The following NSMAF variants were observed in gnomAD, a reference collection of about 807,000 sequenced individuals.
NSMAF encodes neutral sphingomyelinase activation associated factor.
NSMAF carries 90 observed loss-of-function variants against 134.9 expected under a neutral mutation model. That is an observed-to-expected ratio of 0.67 (90% CI 0.56 to 0.79). The LOEUF (loss-of-function observed/expected upper bound fraction) is 0.79, where lower values mean the gene tolerates loss of function less well. NSMAF is among the 30% of genes least tolerant of loss of function. The pLI, the probability that NSMAF is intolerant of heterozygous loss-of-function variation, is 0.00. For synonymous variants in NSMAF, 358 were observed against 389.6 expected (o/e 0.92, Z 0.96); for missense variants, 1,010 against 1,119.0 (o/e 0.90, Z 1.39).
At chr8:58,618,580 A>T (rs1806717254) in intron 9 of NSMAF, among the ~76,000 whole-genome samples, 1 of 151,980 alleles carries the variant, frequency 6.6e-6, no homozygotes, top group Non-Finnish European at 1.5e-5. Context: ...TATATATATA[A>T]TACAAACATA....
At chr8:58,592,247 G>A (rs1040645244) in intron 23 of NSMAF, among the ~76,000 whole-genome samples, 24 of 152,276 alleles carry the variant, frequency 1.6e-4, no homozygotes, top group African/African-American at 5.5e-4. Flanking sequence ...TCTCCTTGAT[G>A]TCTAGTGGTT....
rs2228505 is a variant in NSMAF at position 58,595,575 on chromosome 8, T to C, written c.1877A>G (p.Tyr626Cys). Reference protein sequence around the residue: ...NITKLQLHEHYKIHKEAVTGI... With the variant: ...NITKLQLHEHCKIHKEAVTGI... ...ATATTCTTACTCTTTGTGGATTTTA[T>C]AGTGCTCGTGTAACTGCAGTTTGGT... Residue 626 changes from tyrosine to cysteine, a missense_variant, in exon 22 of 31, where the codon TAT becomes TGT. Tyr to Cys is a radical substitution (Grantham distance 194, BLOSUM62 -2). Coordinates refer to ENST00000038176, the MANE Select transcript of NSMAF (RefSeq NM_003580.4). The C allele has an allele frequency of 0.016, 25,377 of 1,612,914 alleles. 1,462 individuals are homozygous for C. In the East Asian group the frequency reaches 0.22, roughly 14 times the overall value.
chr8:58,613,086 T>C (rs1041237172), intron 9 of NSMAF, among the ~76,000 whole-genome samples: 1 of 152,092 alleles, frequency 6.6e-6, no homozygotes, highest in Non-Finnish European at 1.5e-5. Context: ...TGTTTTAGAC[T>C]AAGGAAAAAT....
intron 21 of NSMAF, among the ~76,000 whole-genome samples, chr8:58,596,894 G>A (rs548414342): frequency 3.3e-5 from 5 of 149,330 alleles, no homozygotes; most frequent in Non-Finnish European, 5.9e-5. Flanking sequence ...TGGCGCCACT[G>A]CACTCCAGCG....
rs1304037474 is a variant in NSMAF, at chr8:58,659,667, C to A, written c.-36G>T. 43 of 1,361,198 alleles carry A rather than the reference C, an allele frequency of 3.2e-5. No homozygotes were observed. Among genetic ancestry groups the A allele is most frequent in the Non-Finnish European group, 3.3e-5 (35 of 1,054,888 alleles). 84.3% of individuals were successfully genotyped at this position (1,361,198 alleles called of 1,614,324 possible). ...CGCGGGCGGGCGCAGAGCGCACAGG[C>A]AGGCCCCGCCGCCGCCTGCCGAGGA... On this transcript the variant is annotated 5_prime_UTR_variant, in exon 1 of 31. Transcript: ENST00000038176.
At chr8:58,640,317 T>A (rs571795895) in intron 2 of NSMAF, among the ~76,000 whole-genome samples, 1 of 152,298 alleles carries the variant, frequency 6.6e-6, no homozygotes, top group East Asian at 1.9e-4. Context: ...ATATATACAA[T>A]TTTTATTCAT....
At chr8:58,646,499 T>A (rs1333778521) in intron 1 of NSMAF, among the ~76,000 whole-genome samples, 2 of 152,224 alleles carry the variant, frequency 1.3e-5, no homozygotes, top group Admixed American at 1.3e-4. Context: ...TATAGCCTCC[T>A]TAATTTATCA....
At chr8:58,602,968 A>C (rs891211399) in intron 13 of NSMAF, among the ~76,000 whole-genome samples, 2 of 152,152 alleles carry the variant, frequency 1.3e-5, no homozygotes, top group Non-Finnish European at 2.9e-5. Context: ...AATCATGCCC[A>C]TTTTTTCTGT....
rs200458679 is a variant in NSMAF at position 58,624,359 on chromosome 8, TTTTA to T, written c.385-583_385-580del. ...ACCACACCTGGCCTAGAGTTAGGATTTTTATTTGAGGTATTTCTTCTTTTTTAAC... is the reference window on the plus strand; with the variant it reads ...ACCACACCTGGCCTAGAGTTAGGATTTTTGAGGTATTTCTTCTTTTTTAAC... On this transcript the variant is annotated intron_variant, in intron 6 of 30. Transcript: ENST00000038176. 4.7e-3 allele frequency among the ~76,000 whole-genome samples: 710 copies of T among 152,232 alleles called. 7 individuals are homozygous for T. Among genetic ancestry groups the T allele is most frequent in the African/African-American group, 0.016 (668 of 41,552 alleles).
chr8:58,624,197 G>A (rs1294010222), intron 6 of NSMAF, among the ~76,000 whole-genome samples: 2 of 151,546 alleles, frequency 1.3e-5, no homozygotes, highest in South Asian at 2.1e-4. Flanking sequence ...GTGCACCACC[G>A]CACCCGGCTA....
chr8:58,599,011 C>T (rs1032411479), intron 19 of NSMAF, among the ~76,000 whole-genome samples: 1 of 152,114 alleles, frequency 6.6e-6, no homozygotes, highest in African/African-American at 2.4e-5. Flanking sequence ...GGTGACAGAG[C>T]AAGACTCCAT....
chr8:58,595,494 C>A (rs1585729112), intron 22 of NSMAF, 66 bp downstream of exon 22: 2 of 1,115,728 alleles, frequency 1.8e-6, no homozygotes, highest in Admixed American at 3.4e-5. Flanking sequence ...ACAGTTTAAT[C>A]CCATGCCAAG....
Position 58,623,701 on chromosome 8 carries a change from G to A in NSMAF, c.456+8C>T. 2 of 1,612,164 alleles carry A rather than the reference G, an allele frequency of 1.2e-6. No individual in the cohort carries two copies. The highest frequency in any genetic ancestry group is 1.3e-5 in the African/African-American group (1 of 74,992). ...TTGCTTTGAATTTTCTACCCAGCAA[G>A]TGCTTACCTGAAGCAACGTCTCCAC... On this transcript the variant is annotated splice_region_variant and intron_variant, in intron 7 of 30. Coordinates refer to ENST00000038176, the MANE Select transcript of NSMAF (RefSeq NM_003580.4).
At chr8:58,627,644 T>TTA (rs1295756388) in intron 6 of NSMAF, among the ~76,000 whole-genome samples, 1 of 152,172 alleles carries the variant, frequency 6.6e-6, no homozygotes, top group East Asian at 1.9e-4. Context: ...ATACTTATGG[T>TTA]TATACTTAAC....
At chr8:58,596,651 C>G (rs185500164) in intron 21 of NSMAF, among the ~76,000 whole-genome samples, 139 of 152,236 alleles carry the variant, frequency 9.1e-4, no homozygotes, top group African/African-American at 3.3e-3. Flanking sequence ...TATGTGGGGC[C>G]GAGCGCGGTG....
intron 23 of NSMAF, among the ~76,000 whole-genome samples, chr8:58,592,421 C>T (rs1224815719): frequency 6.6e-6 from 1 of 152,120 alleles, no homozygotes; most frequent in African/African-American, 2.4e-5. Flanking sequence ...AAAAGCTAAG[C>T]TCATAAGTGG....
intron 12 of NSMAF, among the ~76,000 whole-genome samples, chr8:58,604,338 A>G (rs866901260): frequency 7.9e-5 from 12 of 152,060 alleles, no homozygotes; most frequent in Admixed American, 3.3e-4. Flanking sequence ...TTGGCTTGAG[A>G]TTTTAGGACT....
In NSMAF at chr8:58,584,032, C is replaced by T; in HGVS notation, c.*74G>A. ...CTAATTACTAACATTGCACATTCAC[C>T]AGTCCGTTTAAAAGTTTGGTTTAAA... On this transcript the variant is annotated 3_prime_UTR_variant, in exon 31 of 31. Transcript: ENST00000038176. The T allele has an allele frequency of 8.9e-7, 1 of 1,123,790 alleles. No individual in the cohort carries two copies. Among genetic ancestry groups the T allele is most frequent in the Admixed American group, 1.7e-5 (1 of 58,420 alleles). 69.6% of individuals were successfully genotyped at this position (1,123,790 alleles called of 1,614,324 possible). A position where few individuals can be genotyped will look rare whatever the true frequency, so the allele number is the denominator to read the frequency against.
chr8:58,598,213 C>T (rs1298831094), intron 19 of NSMAF, among the ~76,000 whole-genome samples: 2 of 152,160 alleles, frequency 1.3e-5, no homozygotes, highest in East Asian at 1.9e-4. Flanking sequence ...TTTCCAGCTA[C>T]AGCTCCTTGT....
Sources: allele counts gnomAD v4.1 joint callset (sites outside exome capture counted in the v4.1 genomes callset), GRCh38; gene constraint gnomAD v4.1.1; transcripts MANE v1.5; gene names NCBI Gene and HGNC (gene_info 2026-07-23, HGNC 2026-07-21).